KIDINS220: variants seen among roughly 807,000 people sequenced by gnomAD.
KIDINS220 encodes the protein kinase D-interacting substrate of 220 kDa.
In KIDINS220, 63 loss-of-function variants were observed where a neutral mutation model predicts 157.6. That is an observed-to-expected ratio of 0.40 (90% CI 0.33 to 0.49). KIDINS220 has a LOEUF of 0.49. Ranked by LOEUF, KIDINS220 falls within the 20% of genes least tolerant of loss-of-function variation. KIDINS220 has a pLI of 0.66. For missense variants in KIDINS220, 1,772 were observed against 2,171.2 expected (o/e 0.82, Z 3.65); for synonymous variants, 732 against 783.6 (o/e 0.93, Z 1.10).
intron 16 of KIDINS220, 37 bp downstream of exon 16, chr2:8,786,169 T>A: frequency 3.7e-6 from 6 of 1,603,064 alleles, no homozygotes; most frequent in South Asian, 1.1e-5. Context: ...CCCACCCCCA[T>A]CCCTTACACA....
intron 15 of KIDINS220, among the ~76,000 whole-genome samples, chr2:8,787,937 C>T (rs1672646016): frequency 6.6e-6 from 1 of 152,132 alleles, no homozygotes; most frequent in African/African-American, 2.4e-5. Flanking sequence ...TAACCGCTCA[C>T]ATAAGGAAGG....
intron 22 of KIDINS220, among the ~76,000 whole-genome samples, chr2:8,752,387 A>G (rs1157823356): frequency 1.3e-5 from 2 of 152,192 alleles, no homozygotes; most frequent in African/African-American, 2.4e-5. Flanking sequence ...AAAGGTAACA[A>G]TGAGTACGGC....
At chr2:8,774,530 G>A (rs1670704233) in intron 21 of KIDINS220, among the ~76,000 whole-genome samples, 1 of 152,136 alleles carries the variant, frequency 6.6e-6, no homozygotes, top group African/African-American at 2.4e-5. Flanking sequence ...GGAAGATCTT[G>A]TAGAAAAGCT....
chr2:8,825,301 G>C (rs1285935593), intron 2 of KIDINS220, among the ~76,000 whole-genome samples: 1 of 145,916 alleles, frequency 6.9e-6, no homozygotes, highest in Non-Finnish European at 1.5e-5. Context: ...GGAAGGCAGG[G>C]GGCGGAGGTT....
At chr2:8,802,713 T>C (rs897605042) in intron 8 of KIDINS220, among the ~76,000 whole-genome samples, 5 of 152,092 alleles carry the variant, frequency 3.3e-5, no homozygotes, top group African/African-American at 1.2e-4. Context: ...TAATAGCACA[T>C]GTGACATTTT....
chr2:8,797,004 G>A, intron 10 of KIDINS220, 135 bp from the exon 11 acceptor site: 8 of 694,312 alleles, frequency 1.2e-5, no homozygotes, highest in Admixed American at 1.0e-4. Flanking sequence ...AAACATAAAA[G>A]CTAACAACAA....
intron 22 of KIDINS220, among the ~76,000 whole-genome samples, chr2:8,766,336 T>C (rs1328069134): frequency 6.6e-6 from 1 of 152,156 alleles, no homozygotes; most frequent in Non-Finnish European, 1.5e-5. Flanking sequence ...GAAAACTGTC[T>C]TGCCTCCTTC....
At chr2:8,792,111 T>C (rs921570356) in intron 12 of KIDINS220, among the ~76,000 whole-genome samples, 4 of 152,062 alleles carry the variant, frequency 2.6e-5, no homozygotes, top group Admixed American at 6.5e-5. Flanking sequence ...CAAAATTTTC[T>C]GAAACATTAA....
chr2:8,747,231 G>A lies in KIDINS220; in HGVS notation c.3529-30C>T, dbSNP rs531981864. 2.2e-5 allele frequency: 36 copies of A among 1,607,060 alleles called. No individual in the cohort carries two copies. The South Asian group carries it at 3.7e-4, about 17-fold the overall frequency. ...CAACACAAAACAGGAGAGTGTGGGT[G>A]AAAAGGGGAAGGGGGGAGCCAAACT... On this transcript the variant is annotated intron_variant, in intron 25 of 29. Transcript: ENST00000256707.
chr2:8,798,337 G>T, intron 9 of KIDINS220, 37 bp from the exon 10 acceptor site: 1 of 1,156,216 alleles, frequency 8.6e-7, no homozygotes, highest in Non-Finnish European at 1.3e-6. Context: ...CTTCATGTAA[G>T]ATACAATATT....
rs566208492 is a variant in KIDINS220, at chr2:8,829,118, G to A, written c.-36-1989C>T. Among the ~76,000 whole-genome samples the A allele has an allele frequency of 1.1e-4, 17 of 152,298 alleles. No individual in the cohort carries two copies. The South Asian group carries it at 1.2e-3, about 11-fold the overall frequency. On this transcript the variant is annotated intron_variant, in intron 1 of 29. Coordinates refer to ENST00000256707, the MANE Select transcript of KIDINS220 (RefSeq NM_020738.4). ...CTACTTATATAGCATTCTGGAAAAGGAAAACTGCAGGGGCAGAAAACAGAT... is the reference window on the plus strand; with the variant it reads ...CTACTTATATAGCATTCTGGAAAAGAAAAACTGCAGGGGCAGAAAACAGAT...
intron 18 of KIDINS220, among the ~76,000 whole-genome samples, chr2:8,779,392 G>C (rs992023329): frequency 6.6e-5 from 10 of 152,174 alleles, no homozygotes; most frequent in African/African-American, 1.7e-4. Flanking sequence ...CTGCTAAAGA[G>C]GTAAATCAAT....
intron 16 of KIDINS220, 67 bp from the exon 17 acceptor site, chr2:8,786,097 C>A: frequency 6.4e-7 from 1 of 1,561,006 alleles, no homozygotes; most frequent in Non-Finnish European, 8.7e-7. Flanking sequence ...ACATTATAGT[C>A]ACAATACCTG....
At chr2:8,798,074 A>G (rs1007135826) in intron 10 of KIDINS220, 128 bp downstream of exon 10, 4 of 597,084 alleles carry the variant, frequency 6.7e-6, no homozygotes, top group East Asian at 5.8e-5. Flanking sequence ...TTACTCCTCA[A>G]TGTGATAGAG....
intron 21 of KIDINS220, among the ~76,000 whole-genome samples, chr2:8,774,128 T>C (rs559400181): frequency 1.3e-5 from 2 of 151,464 alleles, no homozygotes; most frequent in South Asian, 4.2e-4. Flanking sequence ...AAACCCCATC[T>C]CTACTAAAAA....
chr2:8,769,136 C>T (rs1036245255), intron 22 of KIDINS220, among the ~76,000 whole-genome samples: 2 of 152,122 alleles, frequency 1.3e-5, no homozygotes, highest in African/African-American at 4.8e-5. Flanking sequence ...TCATTCTATC[C>T]CCACCTAACA....
chr2:8,827,968 A>G (rs965583468), intron 1 of KIDINS220, among the ~76,000 whole-genome samples: 6 of 152,166 alleles, frequency 3.9e-5, no homozygotes, highest in African/African-American at 1.4e-4. Context: ...GCTCCCTGTG[A>G]CACTGACAAC....
At chr2:8,824,548 G>A (rs1678464093) in intron 2 of KIDINS220, among the ~76,000 whole-genome samples, 1 of 152,046 alleles carries the variant, frequency 6.6e-6, no homozygotes, top group South Asian at 2.1e-4. Flanking sequence ...AGGTATGGTG[G>A]TGCACACCTG....
intron 8 of KIDINS220, among the ~76,000 whole-genome samples, chr2:8,801,470 C>A (rs1293261570): frequency 6.6e-6 from 1 of 152,198 alleles, no homozygotes; most frequent in East Asian, 1.9e-4. Flanking sequence ...ATGTGCCATC[C>A]ACCATTCTAG....
Sources: allele counts gnomAD v4.1 joint callset (sites outside exome capture counted in the v4.1 genomes callset), GRCh38; gene constraint gnomAD v4.1.1; transcripts MANE v1.5; gene names NCBI Gene and HGNC (gene_info 2026-07-23, HGNC 2026-07-21).